The following ARFGEF1 variants were observed in gnomAD, a reference collection of about 807,000 sequenced individuals.
ARFGEF1 encodes the protein brefeldin A-inhibited guanine nucleotide-exchange protein 1.
In ARFGEF1, 42 loss-of-function variants were observed where a neutral mutation model predicts 231.0. That is an observed-to-expected ratio of 0.18 (90% confidence interval 0.14 to 0.24). The LOEUF is 0.24. ARFGEF1 is among the 10% of genes least tolerant of loss of function. The pLI is 1.00. For missense variants in ARFGEF1, 1,345 were observed against 2,192.0 expected (o/e 0.61, Z 7.72); for synonymous variants, 710 against 732.3 (o/e 0.97, Z 0.49).
chr8:67,233,615 A>G (rs566011301), intron 22 of ARFGEF1, among the ~76,000 whole-genome samples: 19 of 152,012 alleles, frequency 1.2e-4, no homozygotes, highest in Non-Finnish European at 2.4e-4. Context: ...TGGCCCTCAT[A>G]ATCTCAGTCC....
chr8:67,307,007 G>A (rs1307730655), intron 1 of ARFGEF1, among the ~76,000 whole-genome samples: 2 of 152,196 alleles, frequency 1.3e-5, no homozygotes, highest in East Asian at 3.9e-4. Flanking sequence ...TCGAACTCCT[G>A]ACCACAGGTG....
intron 17 of ARFGEF1, among the ~76,000 whole-genome samples, chr8:67,254,150 C>T (rs1291782341): frequency 6.6e-6 from 1 of 152,132 alleles, no homozygotes; most frequent in African/African-American, 2.4e-5. Flanking sequence ...ACAAAGTATC[C>T]TTGGAATGTT....
At chr8:67,193,535 G>A (rs781016601), downstream of ARFGEF1, 1 of 1,613,018 alleles carries the variant, frequency 6.2e-7, no homozygotes, top group Non-Finnish European at 8.5e-7. Flanking sequence ...ATGTTGATGA[G>A]CTTAGAGTGA....
chr8:67,249,043 C>A (rs1375742455), intron 19 of ARFGEF1, among the ~76,000 whole-genome samples: 5 of 150,192 alleles, frequency 3.3e-5, no homozygotes, highest in African/African-American at 1.2e-4. Context: ...ATTCCTTCCA[C>A]CCAGCCAATG....
chr8:67,340,049 C>T (rs1205046166), intron 1 of ARFGEF1, among the ~76,000 whole-genome samples: 3 of 151,866 alleles, frequency 2.0e-5, no homozygotes, highest in Non-Finnish European at 4.4e-5. Context: ...ACACAATAAG[C>T]TGTAATTTCA....
chr8:67,262,784 T>G (rs1158167639), intron 14 of ARFGEF1, among the ~76,000 whole-genome samples: 1 of 152,222 alleles, frequency 6.6e-6, no homozygotes, highest in African/African-American at 2.4e-5. Flanking sequence ...ACTAGTATTT[T>G]TCAGCAATAA....
At position 67,287,339 on chromosome 8, in the gene ARFGEF1, T is replaced by C. The variant is rs569559146; in HGVS notation, c.1027+616A>G. 8.3e-4 allele frequency among the ~76,000 whole-genome samples: 127 copies of C among 152,290 alleles called. 3 individuals carry two copies. In the South Asian group the frequency reaches 0.025, roughly 31 times the overall value. ...GCTTCCCTGGTAAACACTTCACAAG[T>C]TGAATTAAGAGAATCTGTATGACTT... On this transcript the variant is annotated intron_variant, in intron 7 of 38. Transcript: ENST00000262215.
At chr8:67,200,228 G>A in intron 38 of ARFGEF1, 168 bp downstream of exon 38, 4 of 680,488 alleles carry the variant, frequency 5.9e-6, no homozygotes, top group Non-Finnish European at 8.1e-6. Context: ...GAAAAGCAAG[G>A]ACTGAGGAAG....
Position 67,197,698 on chromosome 8 carries a change from C to G in ARFGEF1, c.*1236G>C. On this transcript the variant is annotated 3_prime_UTR_variant, in exon 39 of 39. Transcript: ENST00000262215. Reference sequence around the variant, plus strand: ...TGAAATAATTCAAAAACTTTATTGACCTATAACCTGATTAGAATATGCCAG... The same window carrying G: ...TGAAATAATTCAAAAACTTTATTGAGCTATAACCTGATTAGAATATGCCAG... 1.0e-6 allele frequency: 1 copy of G among 985,672 alleles called. No individual in the cohort carries two copies. Among genetic ancestry groups the G allele is most frequent in the Non-Finnish European group, 1.2e-6 (1 of 829,878 alleles). 61.1% of individuals were successfully genotyped at this position (985,672 alleles called of 1,614,324 possible).
chr8:67,275,594 T>G (rs989391699), intron 9 of ARFGEF1, among the ~76,000 whole-genome samples: 2 of 152,096 alleles, frequency 1.3e-5, no homozygotes, highest in Admixed American at 1.3e-4. Context: ...CAAAGTTACT[T>G]ATATGGAAAT....
intron 8 of ARFGEF1, 80 bp from the exon 9 acceptor site, chr8:67,276,189 T>A: frequency 6.8e-7 from 1 of 1,467,846 alleles, no homozygotes; most frequent in Non-Finnish European, 9.3e-7. Context: ...TGTATTTCAT[T>A]CAATTCACTA....
chr8:67,330,804 C>T (rs997616109), intron 1 of ARFGEF1, among the ~76,000 whole-genome samples: 2 of 152,134 alleles, frequency 1.3e-5, no homozygotes, highest in African/African-American at 4.8e-5. Context: ...AACATTGTTG[C>T]TTTCTGATAC....
chr8:67,324,396 A>G (rs1807734939), intron 1 of ARFGEF1, among the ~76,000 whole-genome samples: 1 of 152,198 alleles, frequency 6.6e-6, no homozygotes, highest in African/African-American at 2.4e-5. Flanking sequence ...GCAGTTCCCT[A>G]AGTGCAGACA....
Position 67,204,811 on chromosome 8 carries a change from C to A in ARFGEF1, c.4828G>T (p.Glu1610Ter). 2 of 1,613,654 alleles carry A rather than the reference C, an allele frequency of 1.2e-6. No individual in the cohort carries two copies. The highest frequency in any genetic ancestry group is 1.1e-5 in the South Asian group (1 of 91,022). ...SKIKSTAKFP[E>*]QKLFAALLIK... is the part of the protein sequence containing the mutation. ...AACAGGGCAGCAAACAATTTTTGTT[C>A]TGGAAATTCTGTGAGGAAACCCCCC... Residue 1610 changes from glutamate to a stop codon, truncating the protein, a stop_gained, in exon 35 of 39, where the codon GAA becomes TAA. Transcript: ENST00000262215. LOFTEE classifies it high-confidence loss of function.
rs1587011295 is a variant in ARFGEF1 at position 67,197,696 on chromosome 8, G to C, written c.*1238C>G. On this transcript the variant is annotated 3_prime_UTR_variant, in exon 39 of 39. Transcript: ENST00000262215. ...GATGAAATAATTCAAAAACTTTATT[G>C]ACCTATAACCTGATTAGAATATGCC... 1.0e-6 allele frequency: 1 copy of C among 985,616 alleles called. No homozygotes were observed. The highest frequency in any genetic ancestry group is 1.1e-4 in the East Asian group (1 of 8,836). 61.1% of individuals were successfully genotyped at this position (985,616 alleles called of 1,614,324 possible). A position where few individuals can be genotyped will look rare whatever the true frequency, so the allele number is the denominator to read the frequency against.
intron 28 of ARFGEF1, among the ~76,000 whole-genome samples, 161 bp downstream of exon 28, chr8:67,225,862 T>G (rs942241144): frequency 2.6e-5 from 4 of 152,154 alleles, no homozygotes; most frequent in Admixed American, 2.6e-4. Context: ...TAATGGTTAG[T>G]TATAATCACT....
intron 33 of ARFGEF1, among the ~76,000 whole-genome samples, chr8:67,216,296 G>A (rs900324739): frequency 2.0e-5 from 3 of 152,076 alleles, no homozygotes; most frequent in Non-Finnish European, 2.9e-5. Context: ...CCTTAAAAAA[G>A]GACTGGAGGG....
At chr8:67,252,649 T>A (rs1438000162) in intron 18 of ARFGEF1, among the ~76,000 whole-genome samples, 1 of 152,174 alleles carries the variant, frequency 6.6e-6, no homozygotes, top group Non-Finnish European at 1.5e-5. Context: ...ACTACCCTCA[T>A]CTCATTCCTG....
At chr8:67,183,294 C>T (rs1833501665) in intron 5 of ARFGEF1, among the ~76,000 whole-genome samples, 1 of 152,180 alleles carries the variant, frequency 6.6e-6, no homozygotes, top group Non-Finnish European at 1.5e-5. Context: ...CATCAACCAA[C>T]TGGATATAAT....
Sources: gnomAD v4.1 joint callset for allele counts (sites outside exome capture counted in the v4.1 genomes callset) on GRCh38, gnomAD v4.1.1 for gene constraint, MANE v1.5 for transcripts, NCBI Gene and HGNC (gene_info 2026-07-23, HGNC 2026-07-21) for gene names.